ANO10: variants seen among roughly 807,000 people sequenced by gnomAD.
ANO10 encodes anoctamin 10, also known as anoctamin-10.
A neutral mutation model predicts 74.7 loss-of-function variants in ANO10; 77 were observed. The observed-to-expected ratio is 1.03, with a 90% CI of 0.86 to 1.25. The LOEUF is 1.25. Ranked by LOEUF, ANO10 falls within the 50% of genes most tolerant of loss-of-function variation. The probability of loss-of-function intolerance (pLI) is 0.00; values close to 1 mark genes in which losing one functional copy is unlikely to be tolerated. For missense variants in ANO10, 721 were observed against 778.1 expected (o/e 0.93, Z 0.87); for synonymous variants, 279 against 284.9 (o/e 0.98, Z 0.21).
chr3:43,686,408 T>A (rs774823071), intron 1 of ANO10, among the ~76,000 whole-genome samples: 4 of 152,198 alleles, frequency 2.6e-5, no homozygotes, highest in African/African-American at 9.6e-5. Context: ...CACCTCAGCC[T>A]CCCAAGTAGC....
At chr3:43,498,074 T>C (rs2076975604) in intron 11 of ANO10, among the ~76,000 whole-genome samples, 1 of 152,214 alleles carries the variant, frequency 6.6e-6, no homozygotes, top group African/African-American at 2.4e-5. Flanking sequence ...AATCTGGTAA[T>C]TATTTTAAAA....
At chr3:43,534,145 TA>T (rs1460025078) in intron 11 of ANO10, among the ~76,000 whole-genome samples, 1 of 152,096 alleles carries the variant, frequency 6.6e-6, no homozygotes, top group Non-Finnish European at 1.5e-5. Context: ...ACCCAGAGAA[TA>T]AGTACATAAA....
chr3:43,394,260 T>C (rs565415515), intron 12 of ANO10, among the ~76,000 whole-genome samples: 21 of 152,130 alleles, frequency 1.4e-4, no homozygotes, highest in Non-Finnish European at 3.1e-4. Flanking sequence ...CAGCAGCACA[T>C]TTCCTGTGAC....
rs546223858 is a variant in ANO10, at chr3:43,421,033, G to C, written c.1914+11578C>G. On this transcript the variant is annotated intron_variant, in intron 12 of 12. Coordinates refer to ENST00000292246, the MANE Select transcript of ANO10 (RefSeq NM_018075.5). The stretch of plus-strand genomic sequence containing the variant: ...AGGTCAAGAGTTTGAGACCAGCCTG[G>C]CCAACATGGCGAAACCCTGTCTCTA... Among the ~76,000 whole-genome samples, 15 of 152,276 alleles carry C rather than the reference G, an allele frequency of 9.9e-5. No homozygotes were observed. The South Asian group carries it at 2.9e-3, about 29-fold the overall frequency.
intron 4 of ANO10, 94 bp from the exon 5 acceptor site, chr3:43,580,566 G>A: frequency 6.7e-7 from 1 of 1,503,148 alleles, no homozygotes; most frequent in East Asian, 2.3e-5. Flanking sequence ...CCACAGAGGA[G>A]TACAACGCAA....
chr3:43,478,092 C>T (rs1236930839), intron 11 of ANO10, among the ~76,000 whole-genome samples: 1 of 152,180 alleles, frequency 6.6e-6, no homozygotes, highest in Admixed American at 6.5e-5. Flanking sequence ...GCAGAAACTA[C>T]ATTTATTCCC....
chr3:43,465,483 G>A (rs997986881), intron 11 of ANO10, among the ~76,000 whole-genome samples: 6 of 152,112 alleles, frequency 3.9e-5, no homozygotes, highest in Admixed American at 2.6e-4. Flanking sequence ...GTGAAACCCT[G>A]TCTCTACTAA....
At chr3:43,574,256 C>T (rs57824480) in intron 7 of ANO10, among the ~76,000 whole-genome samples, 2,903 of 145,616 alleles carry the variant, frequency 0.02, 90 homozygotes, top group African/African-American at 0.069. Context: ...GTGTCTGGCC[C>T]GTTAGTTTCC....
intron 7 of ANO10, among the ~76,000 whole-genome samples, chr3:43,573,816 T>C (rs183877894): frequency 6.6e-6 from 1 of 151,966 alleles, no homozygotes; most frequent in Non-Finnish European, 1.5e-5. Flanking sequence ...ACAAAAAAAA[T>C]TTTTTTTAAT....
chr3:43,386,356 G>C (rs1317589091), intron 12 of ANO10, among the ~76,000 whole-genome samples: 1 of 150,294 alleles, frequency 6.7e-6, no homozygotes, highest in East Asian at 2.0e-4. Context: ...GAAGGAAGAA[G>C]GAAGGGAAAT....
intron 11 of ANO10, among the ~76,000 whole-genome samples, chr3:43,487,652 C>T (rs2076548392): frequency 6.6e-6 from 1 of 151,994 alleles, no homozygotes. Context: ...GTGGTGATAT[C>T]CCCTTTATCA....
chr3:43,437,574 A>G (rs1244560612), intron 11 of ANO10, among the ~76,000 whole-genome samples: 1 of 152,230 alleles, frequency 6.6e-6, no homozygotes, highest in African/African-American at 2.4e-5. Flanking sequence ...GAGAATAATT[A>G]AGAGCTTGTC....
intron 11 of ANO10, among the ~76,000 whole-genome samples, chr3:43,521,114 C>T (rs2077936924): frequency 1.3e-5 from 2 of 152,166 alleles, no homozygotes; most frequent in South Asian, 2.1e-4. Flanking sequence ...TTTACTTCTT[C>T]CTTTCCAATC....
At chr3:43,401,822 C>A (rs1160378816) in intron 12 of ANO10, among the ~76,000 whole-genome samples, 1 of 152,220 alleles carries the variant, frequency 6.6e-6, no homozygotes, top group Non-Finnish European at 1.5e-5. Flanking sequence ...AAAGCCATCA[C>A]ATTTTTAGAT....
intron 11 of ANO10, among the ~76,000 whole-genome samples, chr3:43,528,752 T>C (rs182834470): frequency 8.3e-4 from 126 of 152,076 alleles, no homozygotes; most frequent in African/African-American, 2.8e-3. Flanking sequence ...TATTAAAAAC[T>C]GTAACTTACC....
At chr3:43,630,653 C>G (rs1178645448) in intron 1 of ANO10, among the ~76,000 whole-genome samples, 1 of 152,152 alleles carries the variant, frequency 6.6e-6, no homozygotes, top group Non-Finnish European at 1.5e-5. Context: ...AATACTGTCC[C>G]CCAGAGCACA....
At chr3:43,558,650 A>C (rs1305151148) in intron 9 of ANO10, among the ~76,000 whole-genome samples, 1 of 152,238 alleles carries the variant, frequency 6.6e-6, no homozygotes, top group African/African-American at 2.4e-5. Flanking sequence ...ACTCACATAT[A>C]ACAGTCAGGA....
At chr3:43,552,720 ATATATATATGTATGTATGTATGTATG>A (rs1279940508) in intron 10 of ANO10, among the ~76,000 whole-genome samples, 13 of 132,834 alleles carry the variant, frequency 9.8e-5, no homozygotes, top group African/African-American at 3.0e-4. Flanking sequence ...ATATATATAT[ATATATATATGTATGTATGTATGTATG>A]TATGTATGTA....
rs1481172363 is a variant in ANO10 at position 43,597,146 on chromosome 3, A to G, written c.472+1386T>C. Among the ~76,000 whole-genome samples, 3 of 152,184 alleles carry G rather than the reference A, an allele frequency of 2.0e-5. No individual in the cohort carries two copies. The East Asian group carries it at 5.8e-4, about 29-fold the overall frequency. On this transcript the variant is annotated intron_variant, in intron 4 of 12. Transcript: ENST00000292246. ...CTGGAGAGGATGTGGAGAAATAGGA[A>G]CACTTTTACACTGTTGGTGGGACGG...
Sources: gnomAD v4.1 joint callset for allele counts (sites outside exome capture counted in the v4.1 genomes callset) on GRCh38, gnomAD v4.1.1 for gene constraint, MANE v1.5 for transcripts, NCBI Gene and HGNC (gene_info 2026-07-23, HGNC 2026-07-21) for gene names.